ARHGEF33: variants seen among roughly 807,000 people sequenced by gnomAD.
ARHGEF33 encodes DH and coiled-coil domain-containing protein ENSP00000381780.
ARHGEF33 carries 72 observed loss-of-function variants against 101.9 expected under a neutral mutation model. The ratio of observed to expected loss-of-function variants is 0.71; its 90% CI spans 0.58 to 0.86. The LOEUF (loss-of-function observed/expected upper bound fraction) is 0.86, where lower values mean the gene tolerates loss of function less well. ARHGEF33 is among the 40% of genes least tolerant of loss of function. The probability of loss-of-function intolerance (pLI) is 0.00; values close to 1 mark genes in which losing one functional copy is unlikely to be tolerated. For synonymous variants in ARHGEF33, 499 were observed against 442.5 expected (o/e 1.13, Z -1.60); for missense variants, 1,169 against 1,111.3 (o/e 1.05, Z -0.74).
At position 38,975,342 on chromosome 2, in the gene ARHGEF33, C is replaced by T. The variant is rs1668253294; in HGVS notation, c.*1499C>T. 2 of 152,162 alleles carry T rather than the reference C, an allele frequency of 1.3e-5. No homozygotes were observed. Among genetic ancestry groups the T allele is most frequent in the Admixed American group, 6.5e-5 (1 of 15,278 alleles). 9.4% of individuals were successfully genotyped at this position (152,162 alleles called of 1,614,324 possible). A position where few individuals can be genotyped will look rare whatever the true frequency, so the allele number is the denominator to read the frequency against. On this transcript the variant is annotated 3_prime_UTR_variant, in exon 18 of 18. Transcript: ENST00000409978. ...TGAATTCATTTGAAATTAGATTTTT[C>T]TCTTATTATGTGGCCGGCAGTGCTT...
At chr2:38,915,992 C>T (rs956602444) in intron 2 of ARHGEF33, among the ~76,000 whole-genome samples, 2 of 152,110 alleles carry the variant, frequency 1.3e-5, no homozygotes, top group African/African-American at 4.8e-5. Context: ...TGCCATTGCA[C>T]TCCAGCCTGG....
chr2:38,902,089 T>G (rs1666257333), intron 2 of ARHGEF33, among the ~76,000 whole-genome samples: 1 of 146,660 alleles, frequency 6.8e-6, no homozygotes, highest in South Asian at 2.1e-4. Flanking sequence ...CACTCCAGCT[T>G]GGGTGACAGA....
intron 17 of ARHGEF33, among the ~76,000 whole-genome samples, chr2:38,966,894 C>T (rs1023610626): frequency 1.3e-5 from 2 of 152,158 alleles, no homozygotes; most frequent in Admixed American, 6.5e-5. Flanking sequence ...GCCAGTCCAG[C>T]CACTGCCTGC....
chr2:38,932,696 A>C lies in ARHGEF33; in HGVS notation c.505+1445A>C, dbSNP rs117867598. ...ATGTTCATAAGATAAAAGGTTAAAA[A>C]TTATCTTTACAAAGTAAATTTGTGC... On this transcript the variant is annotated intron_variant, in intron 7 of 17. Coordinates refer to ENST00000409978, the MANE Select transcript of ARHGEF33 (RefSeq NM_001145451.5). Among the ~76,000 whole-genome samples the C allele has an allele frequency of 3.9e-5, 6 of 152,360 alleles. No homozygotes were observed. In the East Asian group the frequency reaches 1.2e-3, roughly 29 times the overall value.
chr2:38,933,235 G>A (rs866399407), intron 7 of ARHGEF33, among the ~76,000 whole-genome samples: 1 of 152,176 alleles, frequency 6.6e-6, no homozygotes, highest in Admixed American at 6.5e-5. Flanking sequence ...TCTATACCAA[G>A]CTTATCACCT....
chr2:38,972,548 C>T (rs936473921), intron 17 of ARHGEF33, among the ~76,000 whole-genome samples: 7 of 152,122 alleles, frequency 4.6e-5, no homozygotes, highest in African/African-American at 1.7e-4. Flanking sequence ...TATCAGAGGG[C>T]AAAGTGAAAA....
intron 2 of ARHGEF33, among the ~76,000 whole-genome samples, chr2:38,915,079 T>A (rs941899120): frequency 6.6e-6 from 1 of 152,164 alleles, no homozygotes; most frequent in East Asian, 1.9e-4. Context: ...CTTGAACTCC[T>A]GGCCTCAAGC....
At chr2:38,933,180 C>T (rs968983173) in intron 7 of ARHGEF33, among the ~76,000 whole-genome samples, 8 of 152,134 alleles carry the variant, frequency 5.3e-5, no homozygotes, top group African/African-American at 1.9e-4. Flanking sequence ...AATCAAGGTG[C>T]TGGCCATGGC....
chr2:38,925,662 T>C (rs1572751311), intron 4 of ARHGEF33, among the ~76,000 whole-genome samples: 1 of 152,234 alleles, frequency 6.6e-6, no homozygotes, highest in Non-Finnish European at 1.5e-5. Flanking sequence ...GTGTTGCTTC[T>C]TCAGTGACCC....
rs748806445 is a variant in ARHGEF33 at position 38,953,222 on chromosome 2, G to A, written c.1114G>A (p.Val372Ile). 6.5e-7 allele frequency: 1 copy of A among 1,539,250 alleles called. No homozygotes were observed. Among genetic ancestry groups the A allele is most frequent in the South Asian group, 1.2e-5 (1 of 83,816 alleles). ...LRDLPECISL[V>I]HVVVLKEGDE... is the part of the protein sequence containing the mutation. ...GGACCTGCCTGAGTGCATCTCATTG[G>A]TTCATGTTGTAGTCCTGAAAGAGGT... is the stretch of plus-strand genomic sequence containing the variant. Residue 372 changes from valine to isoleucine, a missense_variant, in exon 12 of 18, where the codon GTT becomes ATT. Val to Ile is a conservative substitution (Grantham distance 29). Transcript: ENST00000409978.
intron 10 of ARHGEF33, among the ~76,000 whole-genome samples, chr2:38,947,915 T>C (rs1274473450): frequency 6.6e-6 from 1 of 152,218 alleles, no homozygotes; most frequent in Admixed American, 6.5e-5. Flanking sequence ...TATTTTGGCC[T>C]CATTCTGGGC....
chr2:38,959,802 G>A, intron 15 of ARHGEF33, 39 bp from the exon 16 acceptor site: 2 of 1,495,604 alleles, frequency 1.3e-6, no homozygotes, highest in Non-Finnish European at 1.8e-6. Flanking sequence ...CTAACCGGCC[G>A]TAAGCACAGC....
chr2:38,947,818 G>A (rs888935419), intron 10 of ARHGEF33, among the ~76,000 whole-genome samples: 1 of 152,062 alleles, frequency 6.6e-6, no homozygotes, highest in Non-Finnish European at 1.5e-5. Context: ...AACAAGCTTC[G>A]TGCTACAGAT....
rs1234038078 is a variant in ARHGEF33 at position 38,973,849 on chromosome 2, A to G, written c.*6A>G. The G allele has an allele frequency of 6.5e-7, 1 of 1,541,856 alleles. No individual in the cohort carries two copies. Among genetic ancestry groups the G allele is most frequent in the Admixed American group, 2.0e-5 (1 of 49,622 alleles). On this transcript the variant is annotated 3_prime_UTR_variant, in exon 18 of 18. Transcript: ENST00000409978. The stretch of plus-strand genomic sequence containing the variant: ...ACCAAGGAACAGCTGTGTAAAACAT[A>G]CTTAAAGTTGTATTGTCAAGTGGTA...
At chr2:38,965,091 G>C (rs1289307033) in intron 16 of ARHGEF33, among the ~76,000 whole-genome samples, 2 of 151,844 alleles carry the variant, frequency 1.3e-5, no homozygotes, top group Non-Finnish European at 2.9e-5. Context: ...TTCTCTGTCA[G>C]CAAGCAGTCA....
At chr2:38,972,454 A>G (rs964775381) in intron 17 of ARHGEF33, among the ~76,000 whole-genome samples, 5 of 152,144 alleles carry the variant, frequency 3.3e-5, no homozygotes, top group African/African-American at 1.2e-4. Flanking sequence ...TCCTCTCTGC[A>G]CTGGGATGTA....
intron 16 of ARHGEF33, among the ~76,000 whole-genome samples, chr2:38,961,510 C>T (rs569748101): frequency 1.3e-5 from 2 of 152,276 alleles, no homozygotes; most frequent in Admixed American, 1.3e-4. Context: ...TTAAGCAGAG[C>T]ATAAGTAACA....
chr2:38,916,781 T>C (rs1666643618), intron 2 of ARHGEF33, among the ~76,000 whole-genome samples: 1 of 151,608 alleles, frequency 6.6e-6, no homozygotes, highest in Admixed American at 6.6e-5. Flanking sequence ...TTGGACACAC[T>C]CCATATTTTA....
intron 2 of ARHGEF33, among the ~76,000 whole-genome samples, chr2:38,898,379 G>A (rs1350193439): frequency 1.3e-5 from 2 of 152,152 alleles, no homozygotes; most frequent in Non-Finnish European, 2.9e-5. Context: ...CCATGCACAG[G>A]CAAGCTAGTA....
Sources: allele counts gnomAD v4.1 joint callset (sites outside exome capture counted in the v4.1 genomes callset), GRCh38; gene constraint gnomAD v4.1.1; transcripts MANE v1.5; gene names NCBI Gene and HGNC (gene_info 2026-07-23, HGNC 2026-07-21).